The following PACSIN2 variants were observed in gnomAD, a reference collection of about 807,000 sequenced individuals.
The protein encoded by PACSIN2 is protein kinase C and casein kinase substrate in neurons protein 2.
Under a neutral mutation model 63.8 loss-of-function variants are expected in PACSIN2, and 25 were observed. That is an observed-to-expected ratio of 0.39 (90% CI 0.29 to 0.55). PACSIN2 has a LOEUF of 0.55. Ranked by LOEUF, PACSIN2 falls within the 20% of genes least tolerant of loss-of-function variation. PACSIN2 has a pLI of 0.62. For synonymous variants in PACSIN2, 255 were observed against 256.2 expected (o/e 1.00, Z 0.05); for missense variants, 518 against 646.9 (o/e 0.80, Z 2.16).
intron 1 of PACSIN2, among the ~76,000 whole-genome samples, chr22:42,924,813 G>C (rs1221222304): frequency 6.6e-6 from 1 of 151,006 alleles, no homozygotes; most frequent in East Asian, 2.0e-4. Context: ...CTGAAGCGCA[G>C]TGGCACGATC....
At chr22:43,005,984 G>C (rs934182797) in intron 1 of PACSIN2, among the ~76,000 whole-genome samples, 2 of 151,664 alleles carry the variant, frequency 1.3e-5, no homozygotes, top group Non-Finnish European at 2.9e-5. Context: ...GTTGAGATAG[G>C]GTCTCACTAT....
At chr22:42,958,624 G>A (rs1934009541) in intron 1 of PACSIN2, among the ~76,000 whole-genome samples, 1 of 152,098 alleles carries the variant, frequency 6.6e-6, no homozygotes, top group Non-Finnish European at 1.5e-5. Flanking sequence ...AAACTGATGG[G>A]CCCGATTAAG....
intron 5 of PACSIN2, among the ~76,000 whole-genome samples, chr22:42,887,091 TTGA>T (rs1484681356): frequency 6.6e-6 from 1 of 152,238 alleles, no homozygotes; most frequent in Non-Finnish European, 1.5e-5. Flanking sequence ...CTTGTGCTTC[TTGA>T]GCCCAGGTGC....
intron 1 of PACSIN2, among the ~76,000 whole-genome samples, chr22:43,014,377 C>G (rs1417686469): frequency 1.0e-4 from 2 of 19,138 alleles, no homozygotes; most frequent in Admixed American, 8.7e-4. Flanking sequence ...ACCCCCCCCC[C>G]CCCGGGACAC....
At chr22:42,891,739 A>G (rs1032530958) in intron 3 of PACSIN2, among the ~76,000 whole-genome samples, 1 of 152,182 alleles carries the variant, frequency 6.6e-6, no homozygotes, top group African/African-American at 2.4e-5. Flanking sequence ...ACTGAACTCT[A>G]TAAAAACTCA....
intron 1 of PACSIN2, among the ~76,000 whole-genome samples, chr22:42,933,054 T>C (rs148244030): frequency 2.0e-5 from 3 of 152,350 alleles, no homozygotes; most frequent in Non-Finnish European, 4.4e-5. Context: ...ATATTTACAG[T>C]AGAATTTGAA....
At chr22:42,964,792 C>T (rs186507755) in intron 1 of PACSIN2, among the ~76,000 whole-genome samples, 1 of 151,358 alleles carries the variant, frequency 6.6e-6, no homozygotes, top group Non-Finnish European at 1.5e-5. Context: ...TTTGTAACTC[C>T]CCATCTCCAG....
Position 42,878,062 on chromosome 22 carries a change from G to A in PACSIN2, c.1028+986C>T, listed in dbSNP as rs528226825. ...TCCAGGCCACATGTCTGAGCTCACC[G>A]GCCCTCCTCCCTCCTTGGCACCTTT... On this transcript the variant is annotated intron_variant, in intron 8 of 10. Transcript: ENST00000263246. Among the ~76,000 whole-genome samples the A allele has an allele frequency of 6.9e-4, 105 of 152,346 alleles. 1 individual carries two copies. The highest frequency in any genetic ancestry group is 1.0e-3 in the Non-Finnish European group (68 of 68,032).
chr22:42,989,462 C>T lies in PACSIN2; in HGVS notation c.-78+25559G>A, dbSNP rs548301449. On this transcript the variant is annotated intron_variant, in intron 1 of 10. Coordinates refer to ENST00000263246, the MANE Select transcript of PACSIN2 (RefSeq NM_001184970.3). Reference sequence around the variant, plus strand: ...GCAGTGAGCCGAGATCACACGATTGCACTCCAGCCTGGGCAATAAGAGTGA... The same window carrying T: ...GCAGTGAGCCGAGATCACACGATTGTACTCCAGCCTGGGCAATAAGAGTGA... Among the ~76,000 whole-genome samples the T allele has an allele frequency of 5.9e-3, 875 of 149,206 alleles. 3 individuals carry two copies. Among genetic ancestry groups the T allele is most frequent in the South Asian group, 0.029 (135 of 4,686 alleles).
chr22:42,931,774 T>C (rs1234390514), intron 1 of PACSIN2, among the ~76,000 whole-genome samples: 3 of 152,214 alleles, frequency 2.0e-5, no homozygotes, highest in Admixed American at 6.5e-5. Context: ...GTTGTTATTA[T>C]TATGGTTAAC....
intron 4 of PACSIN2, among the ~76,000 whole-genome samples, chr22:42,889,692 C>A (rs183714063): frequency 6.6e-6 from 1 of 152,148 alleles, no homozygotes; most frequent in East Asian, 1.9e-4. Flanking sequence ...CCGTCTACTC[C>A]ATTCCAGCTA....
intron 1 of PACSIN2, among the ~76,000 whole-genome samples, chr22:43,005,169 G>A (rs1171498139): frequency 6.6e-6 from 1 of 152,166 alleles, no homozygotes; most frequent in African/African-American, 2.4e-5. Context: ...TTTCACACAG[G>A]TGAGCAGTGC....
At chr22:42,901,431 C>T (rs534662645) in intron 2 of PACSIN2, among the ~76,000 whole-genome samples, 6 of 152,322 alleles carry the variant, frequency 3.9e-5, no homozygotes, top group East Asian at 1.9e-4. Context: ...TCAAATCCAT[C>T]GGATTTCCCA....
At chr22:42,985,789 C>T (rs559808547) in intron 1 of PACSIN2, among the ~76,000 whole-genome samples, 6 of 152,188 alleles carry the variant, frequency 3.9e-5, no homozygotes, top group Admixed American at 6.5e-5. Flanking sequence ...GTCTCCCAGA[C>T]GCCTAACCCC....
chr22:42,879,178 C>T lies in PACSIN2; in HGVS notation c.907-9G>A. ...AGGTCTGCGGACCACTCCTAGGCAA[C>T]AGGTGCCGAGGGAGAGAAACCAAAG... On this transcript the variant is annotated splice_polypyrimidine_tract_variant and intron_variant, in intron 7 of 10. Transcript: ENST00000263246. 1 of 1,611,392 alleles carries T rather than the reference C, an allele frequency of 6.2e-7. No individual in the cohort carries two copies. The highest frequency in any genetic ancestry group is 8.5e-7 in the Non-Finnish European group (1 of 1,178,754).
At chr22:42,886,197 G>A (rs927152136) in intron 5 of PACSIN2, among the ~76,000 whole-genome samples, 1 of 152,250 alleles carries the variant, frequency 6.6e-6, no homozygotes, top group Non-Finnish European at 1.5e-5. Flanking sequence ...CAGGTACTCA[G>A]CAGGGTCATC....
chr22:42,949,505 TAAACA>T (rs1933585871), intron 1 of PACSIN2, among the ~76,000 whole-genome samples: 1 of 152,056 alleles, frequency 6.6e-6, no homozygotes, highest in African/African-American at 2.4e-5. Context: ...AGCTGCCTAA[TAAACA>T]TTTCCAGTGA....
At chr22:42,908,415 A>C (rs1931231413) in intron 2 of PACSIN2, among the ~76,000 whole-genome samples, 1 of 152,210 alleles carries the variant, frequency 6.6e-6, no homozygotes, top group Non-Finnish European at 1.5e-5. Context: ...ACACGTGAAA[A>C]GCCCCAAGGC....
intron 1 of PACSIN2, among the ~76,000 whole-genome samples, chr22:42,986,853 G>A (rs148852012): frequency 8.5e-5 from 13 of 152,142 alleles, no homozygotes; most frequent in Middle Eastern, 6.8e-3. Flanking sequence ...AAACCTTCCC[G>A]AAACCTAGAT....
Sources: gnomAD v4.1 joint callset for allele counts (sites outside exome capture counted in the v4.1 genomes callset) on GRCh38, gnomAD v4.1.1 for gene constraint, MANE v1.5 for transcripts, NCBI Gene and HGNC (gene_info 2026-07-23, HGNC 2026-07-21) for gene names.